SV2B: variants seen among roughly 807,000 people sequenced by gnomAD.
SV2B encodes synaptic vesicle glycoprotein 2B.
Under a neutral mutation model 73.9 loss-of-function variants are expected in SV2B, and 41 were observed. The ratio of observed to expected loss-of-function variants is 0.56; its 90% CI spans 0.43 to 0.72. The LOEUF is 0.72. Among genes scored for constraint, SV2B ranks in the 30% least tolerant of loss-of-function variants. The pLI is 0.00. For missense variants in SV2B, 764 were observed against 857.8 expected (o/e 0.89, Z 1.37); for synonymous variants, 314 against 314.2 (o/e 1.00, Z 0.01).
At chr15:91,158,524 A>G (rs1165614566) in intron 1 of SV2B, among the ~76,000 whole-genome samples, 1 of 151,468 alleles carries the variant, frequency 6.6e-6, no homozygotes, top group East Asian at 2.0e-4. Context: ...AGTGTACATG[A>G]TGTGGCTTTG....
Position 91,132,246 on chromosome 15 carries a change from C to T in SV2B, c.-392+31883C>T, listed in dbSNP as rs1045736225. Among the ~76,000 whole-genome samples, 13 of 152,236 alleles carry T rather than the reference C, an allele frequency of 8.5e-5. No individual in the cohort carries two copies. Among genetic ancestry groups the T allele is most frequent in the Non-Finnish European group, 1.9e-4 (13 of 68,050 alleles). ...CCCTCTAGAAGTTTCCCATTGGCTG[C>T]TTCATGCTCACCTCATGTAAATGAA... On this transcript the variant is annotated intron_variant, in intron 1 of 12. Coordinates refer to ENST00000394232, the MANE Select transcript of SV2B (RefSeq NM_001323032.3). This position sits in a 1 kb window ranked among gnomAD's most constrained non-coding sequence, Gnocchi z 4.6.
intron 1 of SV2B, chr15:91,101,921 T>G (rs1596400310): frequency 6.6e-6 from 1 of 152,206 alleles, no homozygotes; most frequent in East Asian, 1.9e-4. Context: ...CTATGAAGGT[T>G]TTGAAGCAAC....
chr15:91,228,314 T>A (rs2046451346), intron 2 of SV2B, among the ~76,000 whole-genome samples: 1 of 152,184 alleles, frequency 6.6e-6, no homozygotes, highest in Non-Finnish European at 1.5e-5. Flanking sequence ...ATAATTTTAG[T>A]GTAGTTCTTT....
intron 1 of SV2B, among the ~76,000 whole-genome samples, chr15:91,133,872 G>A (rs76392576): frequency 0.037 from 5,637 of 152,206 alleles, 357 homozygotes; most frequent in African/African-American, 0.13. Flanking sequence ...CACATTTGGG[G>A]TTTTGCATAC....
chr15:91,268,051 C>G lies in SV2B; in HGVS notation c.1209-390C>G, dbSNP rs1248583149. 1.3e-5 allele frequency among the ~76,000 whole-genome samples: 2 copies of G among 152,204 alleles called. No individual in the cohort carries two copies. Among genetic ancestry groups the G allele is most frequent in the Admixed American group, 1.3e-4 (2 of 15,284 alleles). ...TTCCTGACCTCAAGTGATCTGCCTT[C>G]CTTGGCCTCCCAAAGTGCTGGGATT... On this transcript the variant is annotated intron_variant, in intron 8 of 12. Coordinates refer to ENST00000394232, the MANE Select transcript of SV2B (RefSeq NM_001323032.3). The surrounding 1 kb of genome is among the most constrained non-coding windows in gnomAD (Gnocchi z 4.4).
At position 91,121,919 on chromosome 15, in the gene SV2B, T is replaced by C. The variant is rs2042348617; in HGVS notation, c.-392+21556T>C. ...CCTCCCGAGTAGCTGGGACTACAGG[T>C]GCCTGCCACCACCCCCAGCTAATTT... On this transcript the variant is annotated intron_variant, in intron 1 of 12. Coordinates refer to ENST00000394232, the MANE Select transcript of SV2B (RefSeq NM_001323032.3). This position sits in a 1 kb window ranked among gnomAD's most constrained non-coding sequence, Gnocchi z 4.4. 6.6e-6 allele frequency among the ~76,000 whole-genome samples: 1 copy of C among 151,832 alleles called. No homozygotes were observed. Among genetic ancestry groups the C allele is most frequent in the South Asian group, 2.1e-4 (1 of 4,806 alleles).
chr15:91,131,729 G>A (rs1312332198), intron 1 of SV2B, among the ~76,000 whole-genome samples: 4 of 152,154 alleles, frequency 2.6e-5, no homozygotes, highest in Non-Finnish European at 5.9e-5. Context: ...TTGGGAGGCC[G>A]AGGCAGGCGG....
intron 2 of SV2B, among the ~76,000 whole-genome samples, chr15:91,230,030 C>T (rs191025509): frequency 6.6e-6 from 1 of 152,210 alleles, no homozygotes; most frequent in African/African-American, 2.4e-5. Flanking sequence ...CACTTGAGGC[C>T]AGGAGTTTGA....
In SV2B at chr15:91,292,886, G is replaced by C. The variant is rs1567443198; in HGVS notation, c.*334G>C. On this transcript the variant is annotated 3_prime_UTR_variant, in exon 13 of 13. Coordinates refer to ENST00000394232, the MANE Select transcript of SV2B (RefSeq NM_001323032.3). ...TAAGTCAAGTGCAAGGACTTAACTT[G>C]CGTTTGAAAAGGAATTAGAGGGTCA... 2.1e-5 allele frequency: 4 copies of C among 188,080 alleles called. No individual in the cohort carries two copies. The highest frequency in any genetic ancestry group is 4.3e-5 in the Non-Finnish European group (4 of 92,200). The allele number at this position is 188,080 out of a possible 1,614,324, so 11.7% of individuals were successfully genotyped here. A position where few individuals can be genotyped will look rare whatever the true frequency, so the allele number is the denominator to read the frequency against.
At chr15:91,176,696 G>T (rs1012855413) in intron 1 of SV2B, among the ~76,000 whole-genome samples, 2 of 151,780 alleles carry the variant, frequency 1.3e-5, no homozygotes, top group African/African-American at 4.8e-5. Flanking sequence ...CTTCTTTTGA[G>T]AAGTGTCTGT....
At chr15:91,182,699 T>A (rs1273188450) in intron 1 of SV2B, among the ~76,000 whole-genome samples, 1 of 152,200 alleles carries the variant, frequency 6.6e-6, no homozygotes, top group Non-Finnish European at 1.5e-5. Context: ...AGTCTGTTCT[T>A]ATGGCAGAAG....
At position 91,258,537 on chromosome 15, in the gene SV2B, C is replaced by A. The variant is rs370803593; in HGVS notation, c.901C>A (p.Pro301Thr). ...GGCCCTGAAGTTCATGCCAGAGAGC[C>A]CAAGGTTTCTGCTAGAGGTGAGTCA... ...MVALKFMPES[P>T]RFLLEMGKHD... Residue 301 changes from proline (P) to threonine (T), a missense_variant, in exon 5 of 13, where the codon CCA (proline) becomes ACA (threonine). Pro to Thr is a conservative substitution (Grantham distance 38). Coordinates refer to ENST00000394232, the MANE Select transcript of SV2B (RefSeq NM_001323032.3). This position sits in a 1 kb window ranked among gnomAD's most constrained non-coding sequence, Gnocchi z 4.7. The A allele has an allele frequency of 6.2e-7, 1 of 1,614,018 alleles. No individual in the cohort carries two copies. Among genetic ancestry groups the A allele is most frequent in the African/African-American group, 1.3e-5 (1 of 75,020 alleles).
chr15:91,137,677 T>TATACATATATTTC lies in SV2B; in HGVS notation c.-392+37317_-392+37318insCATATATTTCATA, dbSNP rs1463404570. Among the ~76,000 whole-genome samples the TATACATATATTTC allele has an allele frequency of 2.0e-5, 3 of 148,490 alleles. No homozygotes were observed. The highest frequency in any genetic ancestry group is 7.4e-5 in the African/African-American group (3 of 40,360). On this transcript the variant is annotated intron_variant, in intron 1 of 12. Coordinates refer to ENST00000394232, the MANE Select transcript of SV2B (RefSeq NM_001323032.3). The surrounding 1 kb of genome is among the most constrained non-coding windows in gnomAD (Gnocchi z 4.9). ...ATTTCATATATACATATATTTCATA[T>TATACATATATTTC]ATATATACACACACACACACATTTG...
At chr15:91,168,040 A>G (rs897838952) in intron 1 of SV2B, among the ~76,000 whole-genome samples, 1 of 152,130 alleles carries the variant, frequency 6.6e-6, no homozygotes, top group African/African-American at 2.4e-5. Context: ...GATGGTGTCT[A>G]GTATAGTTCA....
At position 91,289,805 on chromosome 15, in the gene SV2B, C is replaced by T. The variant is rs1012892702; in HGVS notation, c.1868+125C>T. On this transcript the variant is annotated intron_variant, in intron 12 of 12. Coordinates refer to ENST00000394232, the MANE Select transcript of SV2B (RefSeq NM_001323032.3). This position sits in a 1 kb window ranked among gnomAD's most constrained non-coding sequence, Gnocchi z 4.9. ...TCTTTCTGCTGTTCCGTGAAACAAACATCTTTTATGTTGAGCTTCTCCTGC... is the reference window on the plus strand; with the variant it reads ...TCTTTCTGCTGTTCCGTGAAACAAATATCTTTTATGTTGAGCTTCTCCTGC... 4.5e-6 allele frequency: 5 copies of T among 1,120,412 alleles called. No individual in the cohort carries two copies. The Admixed American group carries it at 1.4e-4, about 32-fold the overall frequency. The allele number at this position is 1,120,412 out of a possible 1,614,324, so 69.4% of individuals were successfully genotyped here.
Position 91,251,800 on chromosome 15 carries a change from C to G in SV2B, c.452-19C>G, listed in dbSNP as rs144587459. On this transcript the variant is annotated intron_variant, in intron 2 of 12. Transcript: ENST00000394232. ...TTGTCTTTTCTCTCTATTCTCTCCTCTCCTCCCCCTCATTGCAGGGATGAT... is the reference window on the plus strand; with the variant it reads ...TTGTCTTTTCTCTCTATTCTCTCCTGTCCTCCCCCTCATTGCAGGGATGAT... 2 of 1,612,660 alleles carry G rather than the reference C, an allele frequency of 1.2e-6. No homozygotes were observed. The highest frequency in any genetic ancestry group is 3.3e-5 in the Admixed American group (2 of 59,916).
intron 1 of SV2B, among the ~76,000 whole-genome samples, chr15:91,160,608 A>G (rs1381367710): frequency 1.3e-5 from 2 of 152,222 alleles, no homozygotes; most frequent in Non-Finnish European, 2.9e-5. Context: ...ACTCTGTCTC[A>G]TAAGTAAACA....
Position 91,292,896 on chromosome 15 carries a change from A to G in SV2B, c.*344A>G. On this transcript the variant is annotated 3_prime_UTR_variant, in exon 13 of 13. Transcript: ENST00000394232. The stretch of plus-strand genomic sequence containing the variant: ...GCAAGGACTTAACTTGCGTTTGAAA[A>G]GGAATTAGAGGGTCAGAAACACCCA... 1 of 173,980 alleles carries G rather than the reference A, an allele frequency of 5.7e-6. No individual in the cohort carries two copies. Among genetic ancestry groups the G allele is most frequent in the Non-Finnish European group, 1.2e-5 (1 of 82,806 alleles). 10.8% of individuals were successfully genotyped at this position (173,980 alleles called of 1,614,324 possible). A position where few individuals can be genotyped will look rare whatever the true frequency, so the allele number is the denominator to read the frequency against.
intron 1 of SV2B, among the ~76,000 whole-genome samples, chr15:91,180,778 C>T (rs1228480713): frequency 2.6e-5 from 4 of 152,176 alleles, no homozygotes; most frequent in Non-Finnish European, 4.4e-5. Flanking sequence ...ATTGGTGATT[C>T]TAGTTATACA....
Sources: allele counts gnomAD v4.1 joint callset (sites outside exome capture counted in the v4.1 genomes callset), GRCh38; gene constraint gnomAD v4.1.1; non-coding constraint Gnocchi (gnomAD v3.1); transcripts MANE v1.5; gene names NCBI Gene and HGNC (gene_info 2026-07-23, HGNC 2026-07-21).